Variants in TCF4 observed in about 807,000 individuals in gnomAD.
TCF4 encodes the protein SL3-3 enhancer factor 2.
Under a neutral mutation model 82.1 loss-of-function variants are expected in TCF4, and 3 were observed. That is an observed-to-expected ratio of 0.04 (90% CI 0.02 to 0.09). The LOEUF is 0.09. Ranked by LOEUF, TCF4 falls within the 10% of genes least tolerant of loss-of-function variation. The probability of loss-of-function intolerance (pLI) is 1.00; values close to 1 mark genes in which losing one functional copy is unlikely to be tolerated. For synonymous variants in TCF4, 276 were observed against 309.6 expected (o/e 0.89, Z 1.14); for missense variants, 518 against 852.7 (o/e 0.61, Z 4.89).
chr18:55,529,096 A>G (rs530296785), intron 3 of TCF4, among the ~76,000 whole-genome samples: 1 of 152,130 alleles, frequency 6.6e-6, no homozygotes, highest in Non-Finnish European at 1.5e-5. Flanking sequence ...GAGAATTACT[A>G]GAACCCAGGA....
intron 5 of TCF4, among the ~76,000 whole-genome samples, chr18:55,412,546 C>T (rs972907345): frequency 6.6e-6 from 1 of 152,120 alleles, no homozygotes; most frequent in Admixed American, 6.5e-5. Flanking sequence ...GGATCCAACT[C>T]TAGTGAACCT....
In TCF4 at chr18:55,333,724, C is replaced by T. The variant is rs371266507; in HGVS notation, c.549+16635G>A. ...AATCTGGATTCTGTAATCTCAATTGCGATTATCCCTTTTGTTGTTTTCAAG... is the reference window on the plus strand; with the variant it reads ...AATCTGGATTCTGTAATCTCAATTGTGATTATCCCTTTTGTTGTTTTCAAG... On this transcript the variant is annotated intron_variant, in intron 8 of 19. Transcript: ENST00000354452. Among the ~76,000 whole-genome samples, 175 of 152,184 alleles carry T rather than the reference C, an allele frequency of 1.1e-3. 1 individual carries two copies. The highest frequency in any genetic ancestry group is 8.1e-3 in the South Asian group (39 of 4,822).
intron 5 of TCF4, among the ~76,000 whole-genome samples, chr18:55,458,307 G>T (rs1376562293): frequency 6.6e-6 from 1 of 152,200 alleles, no homozygotes; most frequent in Non-Finnish European, 1.5e-5. Flanking sequence ...ACAAAAACCA[G>T]TTAAACATTC....
intron 8 of TCF4, among the ~76,000 whole-genome samples, chr18:55,333,334 TC>T (rs761424374): frequency 6.6e-6 from 1 of 152,116 alleles, no homozygotes; most frequent in Non-Finnish European, 1.5e-5. Flanking sequence ...TATATTCCTT[TC>T]TTTCTACAAA....
chr18:55,493,591 T>A (rs2096597881), intron 3 of TCF4, among the ~76,000 whole-genome samples: 1 of 152,168 alleles, frequency 6.6e-6, no homozygotes, highest in African/African-American at 2.4e-5. Context: ...GCTTCAATAT[T>A]TACACATCTC....
intron 3 of TCF4, among the ~76,000 whole-genome samples, chr18:55,505,872 G>T (rs1258225065): frequency 6.6e-6 from 1 of 151,682 alleles, no homozygotes; most frequent in Non-Finnish European, 1.5e-5. Context: ...TTCAAATCTG[G>T]GAAACATACA....
chr18:55,601,342 C>G (rs913571150), intron 2 of TCF4, among the ~76,000 whole-genome samples: 1 of 152,092 alleles, frequency 6.6e-6, no homozygotes, highest in Non-Finnish European at 1.5e-5. Flanking sequence ...CACCTCTTCC[C>G]AAGTGACCAG....
chr18:55,352,083 T>A, intron 6 of TCF4: 1 of 212,198 alleles, frequency 4.7e-6, no homozygotes, highest in Non-Finnish European at 8.1e-6. Context: ...GATGCTTCAC[T>A]AACACACTAT....
chr18:55,635,491 A>G (rs1462343499), intron 1 of TCF4, among the ~76,000 whole-genome samples: 1 of 151,724 alleles, frequency 6.6e-6, no homozygotes, highest in Admixed American at 6.6e-5. Context: ...CCTGTGAGAC[A>G]GAGTGAGGCC....
At chr18:55,260,422 T>C (rs2057797808) in intron 12 of TCF4, among the ~76,000 whole-genome samples, 2 of 152,206 alleles carry the variant, frequency 1.3e-5, no homozygotes, top group African/African-American at 4.8e-5. Context: ...AGGCGTTTGA[T>C]TGCATAGCAT....
intron 3 of TCF4, among the ~76,000 whole-genome samples, chr18:55,464,414 T>G (rs916827113): frequency 6.6e-6 from 1 of 152,198 alleles, no homozygotes; most frequent in Non-Finnish European, 1.5e-5. Flanking sequence ...TTTATAGATG[T>G]GAAACTGTAC....
chr18:55,478,193 C>T (rs1414111439), intron 3 of TCF4, among the ~76,000 whole-genome samples: 3 of 152,150 alleles, frequency 2.0e-5, no homozygotes, highest in Non-Finnish European at 4.4e-5. Context: ...AGAAAAGATG[C>T]CTTTTTAACA....
chr18:55,395,979 C>G (rs997371928), intron 6 of TCF4, among the ~76,000 whole-genome samples: 1 of 152,092 alleles, frequency 6.6e-6, no homozygotes, highest in Non-Finnish European at 1.5e-5. Flanking sequence ...ATCTGCCCTC[C>G]GCTATGCCTT....
At chr18:55,453,857 GTAT>G (rs1456457027) in intron 5 of TCF4, among the ~76,000 whole-genome samples, 2 of 150,234 alleles carry the variant, frequency 1.3e-5, no homozygotes, top group South Asian at 2.1e-4. Flanking sequence ...ATAGTAATAA[GTAT>G]TATTATTATT....
chr18:55,408,818 G>A (rs1227562161), intron 5 of TCF4, among the ~76,000 whole-genome samples: 1 of 133,680 alleles, frequency 7.5e-6, no homozygotes, highest in African/African-American at 3.0e-5. Flanking sequence ...TTTAAACTCT[G>A]GGGGAAAAAA....
In TCF4 at chr18:55,399,925, C is replaced by CACAA. The variant is rs1379193667; in HGVS notation, c.369+3528_369+3529insTTGT. On this transcript the variant is annotated intron_variant, in intron 6 of 19. Transcript: ENST00000354452. Reference sequence around the variant, plus strand: ...ACACACACACACACACACACACACACAATACTAAAAATGAAACCATGGCTT... The same window carrying CACAA: ...ACACACACACACACACACACACACACACAAAATACTAAAAATGAAACCATGGCTT... Among the ~76,000 whole-genome samples the CACAA allele has an allele frequency of 9.1e-4, 115 of 126,704 alleles. 1 individual carries two copies. The highest frequency in any genetic ancestry group is 3.4e-3 in the African/African-American group (110 of 32,282). The allele number at this position is 126,704 out of a possible 152,430, so 83.1% of individuals were successfully genotyped here.
At chr18:55,229,964 G>A (rs1454794286) in intron 17 of TCF4, 1 of 152,122 alleles carries the variant, frequency 6.6e-6, no homozygotes, top group Non-Finnish European at 1.5e-5. Flanking sequence ...ACGATATAGT[G>A]AGACCTCGTC....
chr18:55,249,656 A>G (rs2054404848), intron 15 of TCF4, among the ~76,000 whole-genome samples: 1 of 152,236 alleles, frequency 6.6e-6, no homozygotes, highest in Non-Finnish European at 1.5e-5. Context: ...AGAGCACAGA[A>G]CCTACACTTG....
At chr18:55,264,329 C>T (rs1461475223) in intron 11 of TCF4, among the ~76,000 whole-genome samples, 1 of 152,118 alleles carries the variant, frequency 6.6e-6, no homozygotes, top group African/African-American at 2.4e-5. Flanking sequence ...TAACATGAAG[C>T]GATTTTACCT....
Sources: allele counts gnomAD v4.1 joint callset (sites outside exome capture counted in the v4.1 genomes callset), GRCh38; gene constraint gnomAD v4.1.1; transcripts MANE v1.5; gene names NCBI Gene and HGNC (gene_info 2026-07-23, HGNC 2026-07-21).